Variants in UBTD1 observed in about 807,000 individuals in gnomAD.
UBTD1 encodes ubiquitin domain containing 1.
Under a neutral mutation model 21.7 loss-of-function variants are expected in UBTD1, and 19 were observed. The ratio of observed to expected loss-of-function variants is 0.87; its 90% CI spans 0.61 to 1.28. The LOEUF is 1.28. Ranked by LOEUF, UBTD1 falls within the 50% of genes most tolerant of loss-of-function variation. UBTD1 has a pLI of 0.00. For synonymous variants in UBTD1, 116 were observed against 135.1 expected, an observed-to-expected ratio of 0.86 and a Z score of 0.98; for missense variants, 282 against 315.1, an observed-to-expected ratio of 0.89 and a Z score of 0.80.
intron 1 of UBTD1, among the ~76,000 whole-genome samples, chr10:97,530,461 C>T (rs1455471312): frequency 1.3e-5 from 2 of 152,186 alleles, no homozygotes. Flanking sequence ...CAAAAGCATA[C>T]TTTATAGTGC....
chr10:97,510,899 T>C (rs1244543833), intron 1 of UBTD1, among the ~76,000 whole-genome samples: 1 of 152,176 alleles, frequency 6.6e-6, no homozygotes, highest in African/African-American at 2.4e-5. Context: ...CAGAGGCTAC[T>C]TTTCTAGGCT....
chr10:97,514,845 G>A (rs946609049), intron 1 of UBTD1, among the ~76,000 whole-genome samples: 14 of 152,114 alleles, frequency 9.2e-5, no homozygotes, highest in South Asian at 2.1e-4. Flanking sequence ...GGTTGAAGCC[G>A]GAGAGAATGG....
At chr10:97,535,619 A>G (rs1273953652) in intron 1 of UBTD1, among the ~76,000 whole-genome samples, 1 of 152,100 alleles carries the variant, frequency 6.6e-6, no homozygotes, top group Non-Finnish European at 1.5e-5. Flanking sequence ...TGTCTCAAAA[A>G]AGAAAAAGAA....
intron 1 of UBTD1, among the ~76,000 whole-genome samples, chr10:97,525,079 C>A (rs984761439): frequency 2.6e-5 from 4 of 152,242 alleles, no homozygotes; most frequent in Non-Finnish European, 5.9e-5. Flanking sequence ...GAATATGCCT[C>A]CCTGCTAGTC....
chr10:97,555,691 G>A (rs1198184572), intron 1 of UBTD1, among the ~76,000 whole-genome samples: 1 of 152,120 alleles, frequency 6.6e-6, no homozygotes, highest in Non-Finnish European at 1.5e-5. Context: ...CCGGTGGTCA[G>A]AGAGAAACAG....
chr10:97,544,979 G>C (rs2040602295), intron 1 of UBTD1, among the ~76,000 whole-genome samples: 1 of 152,110 alleles, frequency 6.6e-6, no homozygotes, highest in Non-Finnish European at 1.5e-5. Flanking sequence ...CTCAGTGGCA[G>C]AGGTGGAAGA....
At chr10:97,499,843 T>C (rs2040337509) in intron 1 of UBTD1, among the ~76,000 whole-genome samples, 1 of 152,144 alleles carries the variant, frequency 6.6e-6, no homozygotes, top group Admixed American at 6.5e-5. Flanking sequence ...CTATAAAAGA[T>C]GGGGTGCGGG....
intron 1 of UBTD1, among the ~76,000 whole-genome samples, chr10:97,538,567 C>T (rs182772892): frequency 3.9e-5 from 6 of 152,256 alleles, no homozygotes; most frequent in Admixed American, 3.3e-4. Flanking sequence ...GATATGAGCT[C>T]GTCTGGTCAG....
intron 1 of UBTD1, among the ~76,000 whole-genome samples, chr10:97,511,295 G>A (rs1380355604): frequency 6.6e-6 from 1 of 152,136 alleles, no homozygotes; most frequent in Non-Finnish European, 1.5e-5. Context: ...CTCCTTTAGG[G>A]GAGAGGTTCA....
At chr10:97,513,237 A>AT (rs2040429767) in intron 1 of UBTD1, among the ~76,000 whole-genome samples, 1 of 152,218 alleles carries the variant, frequency 6.6e-6, no homozygotes, top group South Asian at 2.1e-4. Flanking sequence ...TGCACATATT[A>AT]TACATGTATA....
At chr10:97,569,288 G>A (rs1276703521) in intron 2 of UBTD1, among the ~76,000 whole-genome samples, 1 of 152,256 alleles carries the variant, frequency 6.6e-6, no homozygotes, top group Non-Finnish European at 1.5e-5. Flanking sequence ...CCAGCACTTA[G>A]TAGGTGCTCA....
intron 2 of UBTD1, among the ~76,000 whole-genome samples, chr10:97,568,892 C>T (rs1028907263): frequency 5.9e-5 from 9 of 152,114 alleles, no homozygotes; most frequent in South Asian, 2.1e-4. Flanking sequence ...GGAGCGATCT[C>T]GGCTCACCGC....
chr10:97,567,105 G>A (rs964325002), intron 1 of UBTD1, among the ~76,000 whole-genome samples: 2 of 151,506 alleles, frequency 1.3e-5, no homozygotes, highest in Admixed American at 1.3e-4. Flanking sequence ...TGGTTTCGCT[G>A]TGTTGCCCAG....
intron 1 of UBTD1, among the ~76,000 whole-genome samples, chr10:97,519,914 T>C (rs2040460022): frequency 6.6e-6 from 1 of 152,066 alleles, no homozygotes; most frequent in Non-Finnish European, 1.5e-5. Flanking sequence ...CTGAGGATGG[T>C]GCATACTATA....
chr10:97,553,612 TGGTGA>T (rs2040650698), intron 1 of UBTD1, among the ~76,000 whole-genome samples: 1 of 152,106 alleles, frequency 6.6e-6, no homozygotes, highest in Admixed American at 6.5e-5. Context: ...CTGGAGAACT[TGGTGA>T]GTTGTTTTTG....
intron 1 of UBTD1, among the ~76,000 whole-genome samples, chr10:97,544,512 AC>A (rs2040600141): frequency 1.3e-5 from 2 of 152,028 alleles, no homozygotes; most frequent in African/African-American, 4.8e-5. Flanking sequence ...AGGAATGCTG[AC>A]CCCCATGCTG....
chr10:97,544,291 C>CAAAA (rs35919777), intron 1 of UBTD1, among the ~76,000 whole-genome samples: 3 of 139,116 alleles, frequency 2.2e-5, no homozygotes, highest in Non-Finnish European at 4.6e-5. Flanking sequence ...AACTCTGTCT[C>CAAAA]AAAAAAAAAA....
chr10:97,502,872 T>A (rs2040382483), intron 1 of UBTD1, among the ~76,000 whole-genome samples: 1 of 145,912 alleles, frequency 6.9e-6, no homozygotes, highest in Admixed American at 6.9e-5. Context: ...TATACGTATA[T>A]ATGTATATAT....
intron 1 of UBTD1, among the ~76,000 whole-genome samples, chr10:97,564,236 G>T (rs1262390353): frequency 6.6e-6 from 1 of 152,198 alleles, no homozygotes; most frequent in Admixed American, 6.5e-5. Flanking sequence ...CTGGAAGATA[G>T]TCGCCTAGAG....
Sources: gnomAD v4.1 joint callset for allele counts (sites outside exome capture counted in the v4.1 genomes callset) on GRCh38, gnomAD v4.1.1 for gene constraint, MANE v1.5 for transcripts, NCBI Gene and HGNC (gene_info 2026-07-23, HGNC 2026-07-21) for gene names.